The following TRAPPC9 variants were observed in gnomAD, a reference collection of about 807,000 sequenced individuals.
TRAPPC9 encodes the protein IKK2 binding protein.
TRAPPC9 carries 83 observed loss-of-function variants against 124.0 expected under a neutral mutation model. The observed-to-expected ratio is 0.67, with a 90% confidence interval of 0.56 to 0.80. The LOEUF (loss-of-function observed/expected upper bound fraction) is 0.80, where lower values mean the gene tolerates loss of function less well. Among genes scored for constraint, TRAPPC9 ranks in the 30% least tolerant of loss-of-function variants. The pLI, the probability that TRAPPC9 is intolerant of heterozygous loss-of-function variation, is 0.00. For missense variants in TRAPPC9, 1,302 were observed against 1,508.3 expected (o/e 0.86, Z 2.27); for synonymous variants, 638 against 617.5 (o/e 1.03, Z -0.49).
chr8:140,349,341 G>GCAAGGAGAGGGCACAC lies in TRAPPC9; in HGVS notation c.1495+10708_1495+10709insGTGTGCCCTCTCCTTG, dbSNP rs1563964511. On this transcript the variant is annotated intron_variant, in intron 9 of 22. Transcript: ENST00000438773. ...CAAGGAGAGGGCACACAAGGGGGCCGAAGGGGGCGCGCGAGGGAAGGGCGC... is the reference window on the plus strand; with the variant it reads ...CAAGGAGAGGGCACACAAGGGGGCCGCAAGGAGAGGGCACACAAGGGGGCGCGCGAGGGAAGGGCGC... Among the ~76,000 whole-genome samples the GCAAGGAGAGGGCACAC allele has an allele frequency of 2.2e-4, 32 of 145,274 alleles. 3 individuals are homozygous for GCAAGGAGAGGGCACAC. The highest frequency in any genetic ancestry group is 4.1e-4 in the African/African-American group (16 of 38,810).
chr8:139,732,346 G>A (rs1817891728), intron 21 of TRAPPC9, 144 bp from the exon 22 acceptor site: 3 of 759,776 alleles, frequency 3.9e-6, no homozygotes, highest in Middle Eastern at 7.6e-4. Context: ...GGACACTGGG[G>A]ACACAGATGT....
chr8:139,746,489 C>T (rs987552329), intron 21 of TRAPPC9, among the ~76,000 whole-genome samples: 1 of 152,072 alleles, frequency 6.6e-6, no homozygotes, highest in African/African-American at 2.4e-5. Flanking sequence ...AACAGGTCCA[C>T]GGGGTAGGGG....
At chr8:139,765,801 T>G (rs1319316182) in intron 21 of TRAPPC9, among the ~76,000 whole-genome samples, 1 of 152,020 alleles carries the variant, frequency 6.6e-6, no homozygotes, top group Non-Finnish European at 1.5e-5. Context: ...GCCTCCGAGG[T>G]ATAACCCAGG....
chr8:140,395,927 G>A (rs939804002), intron 7 of TRAPPC9, among the ~76,000 whole-genome samples: 3 of 151,864 alleles, frequency 2.0e-5, no homozygotes, highest in Non-Finnish European at 4.4e-5. Flanking sequence ...CATTCCACCC[G>A]ACCCACAGCC....
At chr8:139,862,431 T>G (rs1828229850) in intron 21 of TRAPPC9, among the ~76,000 whole-genome samples, 1 of 152,222 alleles carries the variant, frequency 6.6e-6, no homozygotes, top group Non-Finnish European at 1.5e-5. Context: ...GCACCAGCCT[T>G]GGGCCTTGGG....
intron 16 of TRAPPC9, among the ~76,000 whole-genome samples, chr8:140,242,684 TGAA>T (rs762250676): frequency 3.4e-4 from 52 of 152,312 alleles, no homozygotes; most frequent in Non-Finnish European, 7.4e-4. Context: ...TTAGAGCCTG[TGAA>T]ATCATTTAGG....
At chr8:140,086,648 G>T (rs551188883) in intron 17 of TRAPPC9, among the ~76,000 whole-genome samples, 1 of 152,280 alleles carries the variant, frequency 6.6e-6, no homozygotes, top group African/African-American at 2.4e-5. Flanking sequence ...TCGGCCAGGC[G>T]TGGTGGCTCA....
intron 17 of TRAPPC9, among the ~76,000 whole-genome samples, chr8:140,150,769 G>C (rs563901148): frequency 6.6e-6 from 1 of 152,306 alleles, no homozygotes; most frequent in Admixed American, 6.5e-5. Context: ...AGGGTCCGGG[G>C]ACCCAGAGGC....
intron 17 of TRAPPC9, among the ~76,000 whole-genome samples, chr8:140,058,800 A>G (rs1046828434): frequency 6.6e-6 from 1 of 152,166 alleles, no homozygotes; most frequent in Non-Finnish European, 1.5e-5. Flanking sequence ...GCAACTCCAC[A>G]TGGGCTCTGG....
At position 139,872,388 on chromosome 8, in the gene TRAPPC9, G is replaced by GTGGATGGGTGGATGGATGGATGGA. The variant is rs58789801; in HGVS notation, c.3055+13490_3055+13491insTCCATCCATCCATCCACCCATCCA. Among the ~76,000 whole-genome samples, 372 of 74,886 alleles carry GTGGATGGGTGGATGGATGGATGGA rather than the reference G, an allele frequency of 5.0e-3. 27 individuals carry two copies. Among genetic ancestry groups the GTGGATGGGTGGATGGATGGATGGA allele is most frequent in the East Asian group, 0.047 (109 of 2,328 alleles). 49.1% of individuals were successfully genotyped at this position (74,886 alleles called of 152,430 possible). On this transcript the variant is annotated intron_variant, in intron 21 of 22. Transcript: ENST00000438773. ...GATGGGTAAATGGTTGGATAAGTGG[G>GTGGATGGGTGGATGGATGGATGGA]TGGATGGATGGATGGATGGATGGAT...
intron 17 of TRAPPC9, among the ~76,000 whole-genome samples, chr8:140,045,488 G>A (rs1015483871): frequency 5.3e-5 from 8 of 151,954 alleles, no homozygotes; most frequent in African/African-American, 1.7e-4. Context: ...TTAGCTGGGT[G>A]TGGCGGCACG....
At chr8:140,016,912 G>A (rs1839501839) in intron 18 of TRAPPC9, among the ~76,000 whole-genome samples, 1 of 152,176 alleles carries the variant, frequency 6.6e-6, no homozygotes, top group Non-Finnish European at 1.5e-5. Context: ...CCCAGAAGCA[G>A]TTTATGTGAA....
At chr8:140,153,154 G>A (rs2061574591) in intron 17 of TRAPPC9, among the ~76,000 whole-genome samples, 1 of 152,114 alleles carries the variant, frequency 6.6e-6, no homozygotes, top group African/African-American at 2.4e-5. Context: ...CTCCTAATGT[G>A]ATCTTCCTAA....
At chr8:140,016,010 C>T (rs1372849768) in intron 18 of TRAPPC9, among the ~76,000 whole-genome samples, 1 of 152,182 alleles carries the variant, frequency 6.6e-6, no homozygotes, top group East Asian at 1.9e-4. Flanking sequence ...GAACCAGAAA[C>T]CCAACATTAA....
chr8:140,089,532 T>C (rs1364785359), intron 17 of TRAPPC9, among the ~76,000 whole-genome samples: 1 of 152,198 alleles, frequency 6.6e-6, no homozygotes, highest in African/African-American at 2.4e-5. Flanking sequence ...TGGGCTTGGA[T>C]ACCATCTTCA....
At chr8:139,921,089 T>G (rs1354883043) in intron 19 of TRAPPC9, among the ~76,000 whole-genome samples, 1 of 152,242 alleles carries the variant, frequency 6.6e-6, no homozygotes, top group Non-Finnish European at 1.5e-5. Context: ...TCATGTAATT[T>G]GGATCTTGCA....
chr8:139,843,351 T>G (rs1246544125), intron 21 of TRAPPC9, among the ~76,000 whole-genome samples: 1 of 152,216 alleles, frequency 6.6e-6, no homozygotes, highest in Non-Finnish European at 1.5e-5. Context: ...TCTCTGGGAC[T>G]TCCAGGTGCC....
chr8:140,220,290 C>T (rs545670692), intron 17 of TRAPPC9, among the ~76,000 whole-genome samples: 1 of 152,298 alleles, frequency 6.6e-6, no homozygotes, highest in South Asian at 2.1e-4. Context: ...CTCAAGCCCA[C>T]CAGACAGCAC....
chr8:139,862,935 G>A (rs987610586), intron 21 of TRAPPC9, among the ~76,000 whole-genome samples: 5 of 152,222 alleles, frequency 3.3e-5, no homozygotes, highest in Admixed American at 3.3e-4. Flanking sequence ...GCCCTTGGGA[G>A]CCTCTCTAAA....
Sources: allele counts gnomAD v4.1 joint callset (sites outside exome capture counted in the v4.1 genomes callset), GRCh38; gene constraint gnomAD v4.1.1; transcripts MANE v1.5; gene names NCBI Gene and HGNC (gene_info 2026-07-23, HGNC 2026-07-21).